The following DGLUCY variants were observed in gnomAD, a reference collection of about 807,000 sequenced individuals.
The protein encoded by DGLUCY is D-glutamate cyclase.
A neutral mutation model predicts 58.5 loss-of-function variants in DGLUCY; 58 were observed. The ratio of observed to expected loss-of-function variants is 0.99; its 90% CI spans 0.80 to 1.23. The LOEUF is 1.23. Ranked by LOEUF, DGLUCY falls within the 50% of genes most tolerant of loss-of-function variation. The pLI, the probability that DGLUCY is intolerant of heterozygous loss-of-function variation, is 0.00. For synonymous variants in DGLUCY, 325 were observed against 314.1 expected (o/e 1.03, Z -0.37); for missense variants, 779 against 784.7 (o/e 0.99, Z 0.09).
intron 7 of DGLUCY, among the ~76,000 whole-genome samples, chr14:91,177,065 C>G (rs1177251907): frequency 6.6e-6 from 1 of 151,982 alleles, no homozygotes; most frequent in Non-Finnish European, 1.5e-5. Context: ...GTGGCATCAT[C>G]ATAGCTCACT....
chr14:91,074,118 T>TACACACACACAC lies in DGLUCY; in HGVS notation c.-82+13446_-82+13457dup, dbSNP rs3086753. ...CAAAAAAAAAAAATATATATATATA[T>TACACACACACAC]ACACACACACACACACACACACACA... On this transcript the variant is annotated intron_variant, in intron 1 of 4. Transcript: ENST00000521334. Among the ~76,000 whole-genome samples, 406 of 70,318 alleles carry TACACACACACAC rather than the reference T, an allele frequency of 5.8e-3. 5 individuals are homozygous for TACACACACACAC. Among genetic ancestry groups the TACACACACACAC allele is most frequent in the Middle Eastern group, 8.6e-3 (1 of 116 alleles). 46.1% of individuals were successfully genotyped at this position (70,318 alleles called of 152,430 possible).
intron 1 of DGLUCY, among the ~76,000 whole-genome samples, chr14:91,132,020 T>C (rs1344722811): frequency 1.3e-5 from 2 of 152,208 alleles, no homozygotes; most frequent in Non-Finnish European, 2.9e-5. Flanking sequence ...CTTAAACTCC[T>C]GACCTCAGGT....
chr14:91,076,159 C>T (rs2044017921), intron 1 of DGLUCY, among the ~76,000 whole-genome samples: 1 of 151,692 alleles, frequency 6.6e-6, no homozygotes. Context: ...TTAAGAAGCT[C>T]ATAGCTAGGT....
chr14:91,215,781 A>C (rs45556133), intron 13 of DGLUCY: 2 of 1,384,214 alleles, frequency 1.4e-6, no homozygotes, highest in Non-Finnish European at 1.9e-6. Context: ...TTTTCCTTCT[A>C]GTTTGACTTT....
intron 1 of DGLUCY, among the ~76,000 whole-genome samples, chr14:91,149,361 G>A (rs534264836): frequency 5.3e-5 from 8 of 152,248 alleles, no homozygotes; most frequent in South Asian, 2.1e-4. Context: ...TCTCTAGGTC[G>A]TTATCACTCT....
At chr14:91,102,961 C>T (rs1274804951) in intron 1 of DGLUCY, among the ~76,000 whole-genome samples, 4 of 151,902 alleles carry the variant, frequency 2.6e-5, no homozygotes. Context: ...GGGATTTCAC[C>T]ATGTTGGCAA....
At chr14:91,202,473 C>T (rs574154419) in intron 11 of DGLUCY, among the ~76,000 whole-genome samples, 21 of 152,290 alleles carry the variant, frequency 1.4e-4, no homozygotes, top group Admixed American at 3.9e-4. Context: ...GAGCCTTCTG[C>T]GCTGATTAGA....
chr14:91,146,192 A>T (rs953633860), intron 1 of DGLUCY, among the ~76,000 whole-genome samples: 1 of 152,212 alleles, frequency 6.6e-6, no homozygotes. Context: ...TTTAAAAATG[A>T]GTAAATTTAA....
intron 1 of DGLUCY, among the ~76,000 whole-genome samples, chr14:91,100,073 A>AAAGAAG (rs1555390874): frequency 1.7e-5 from 2 of 121,174 alleles, no homozygotes; most frequent in African/African-American, 2.9e-5. Flanking sequence ...AAAAAAAAAA[A>AAAGAAG]AAGAAGAAGA....
intron 12 of DGLUCY, among the ~76,000 whole-genome samples, chr14:91,210,314 T>A (rs1885467500): frequency 6.6e-6 from 1 of 152,114 alleles, no homozygotes; most frequent in Non-Finnish European, 1.5e-5. Flanking sequence ...TCAACACCCC[T>A]GTATCAGAAA....
intron 12 of DGLUCY, among the ~76,000 whole-genome samples, chr14:91,213,493 G>C (rs1287796356): frequency 6.6e-6 from 1 of 151,856 alleles, no homozygotes; most frequent in African/African-American, 2.4e-5. Context: ...ATACTACTAA[G>C]AAAGGAAAAT....
intron 13 of DGLUCY, among the ~76,000 whole-genome samples, chr14:91,220,269 G>T (rs1003147105): frequency 6.6e-6 from 1 of 152,228 alleles, no homozygotes; most frequent in South Asian, 2.1e-4. Flanking sequence ...CTCGAGTGGG[G>T]CCGTAACAGA....
intron 9 of DGLUCY, among the ~76,000 whole-genome samples, chr14:91,194,458 G>A (rs544339697): frequency 1.3e-5 from 2 of 151,974 alleles, no homozygotes; most frequent in East Asian, 1.9e-4. Flanking sequence ...TGAGCATCAC[G>A]ATGACTAACA....
intron 13 of DGLUCY, among the ~76,000 whole-genome samples, chr14:91,220,961 C>T (rs980216505): frequency 6.6e-6 from 1 of 152,264 alleles, no homozygotes; most frequent in Non-Finnish European, 1.5e-5. Flanking sequence ...TATAAACAAA[C>T]ACCAGGAAAG....
intron 11 of DGLUCY, among the ~76,000 whole-genome samples, chr14:91,201,734 G>A (rs962254212): frequency 6.6e-6 from 1 of 152,012 alleles, no homozygotes; most frequent in Non-Finnish European, 1.5e-5. Flanking sequence ...ATGAGCCACT[G>A]AGCCTGGCCT....
At chr14:91,110,430 CTTTTTTTTT>C (rs10711938), upstream of DGLUCY, among the ~76,000 whole-genome samples, 9 of 88,062 alleles carry the variant, frequency 1.0e-4, no homozygotes, top group Non-Finnish European at 1.8e-4. Context: ...TTCTTTCTTT[CTTTTTTTTT>C]TTTTTTTTTT....
chr14:91,111,246 G>A (rs868097315), upstream of DGLUCY, among the ~76,000 whole-genome samples: 1,376 of 89,776 alleles, frequency 0.015, 32 homozygotes, highest in African/African-American at 0.052. Flanking sequence ...GTGTGTGTGT[G>A]TGTATATATC....
chr14:91,116,668 G>A (rs150959780), intron 1 of DGLUCY, among the ~76,000 whole-genome samples: 99 of 152,200 alleles, frequency 6.5e-4, no homozygotes, highest in African/African-American at 2.2e-3. Context: ...GGAATAGGCC[G>A]GGCGTGGTGG....
At chr14:91,172,024 C>T (rs1002467045) in intron 5 of DGLUCY, among the ~76,000 whole-genome samples, 4 of 152,234 alleles carry the variant, frequency 2.6e-5, no homozygotes, top group East Asian at 1.9e-4. Flanking sequence ...AAAAAAAGTA[C>T]GTTTTTCTTT....
Sources: allele counts gnomAD v4.1 joint callset (sites outside exome capture counted in the v4.1 genomes callset), GRCh38; gene constraint gnomAD v4.1.1; transcripts MANE v1.5; gene names NCBI Gene and HGNC (gene_info 2026-07-23, HGNC 2026-07-21).